GARRE1: variants seen among roughly 807,000 people sequenced by gnomAD.
GARRE1 encodes granule associated Rac and RHOG effector 1.
GARRE1 carries 49 observed loss-of-function variants against 103.2 expected under a neutral mutation model. The ratio of observed to expected loss-of-function variants is 0.47; its 90% confidence interval spans 0.38 to 0.60. The LOEUF is 0.60. Ranked by LOEUF, GARRE1 falls within the 20% of genes least tolerant of loss-of-function variation. The pLI, the probability that GARRE1 is intolerant of heterozygous loss-of-function variation, is 0.00. For synonymous variants in GARRE1, 505 were observed against 532.8 expected, an observed-to-expected ratio of 0.95 and a Z score of 0.72; for missense variants, 1,199 against 1,370.5, an observed-to-expected ratio of 0.87 and a Z score of 1.98.
At chr19:34,332,251 A>G (rs186843422) in intron 7 of GARRE1, among the ~76,000 whole-genome samples, 1 of 152,188 alleles carries the variant, frequency 6.6e-6, no homozygotes, top group African/African-American at 2.4e-5. Context: ...TTTCCTCAGT[A>G]TAGGGACCTC....
At chr19:34,305,865 G>C (rs2074005273) in intron 2 of GARRE1, among the ~76,000 whole-genome samples, 1 of 152,138 alleles carries the variant, frequency 6.6e-6, no homozygotes, top group African/African-American at 2.4e-5. Context: ...GTACATAATG[G>C]GCTGAACAGG....
At chr19:34,330,748 T>TGTG (rs1350990160) in intron 7 of GARRE1, among the ~76,000 whole-genome samples, 6 of 128,366 alleles carry the variant, frequency 4.7e-5, no homozygotes, top group Non-Finnish European at 8.0e-5. Flanking sequence ...TTTTTTTTTT[T>TGTG]TGTGTGTGTG....
Position 34,352,867 on chromosome 19 carries a change from C to G in GARRE1, c.3125C>G (p.Pro1042Arg). The G allele has an allele frequency of 1.3e-6, 2 of 1,588,120 alleles. No homozygotes were observed. The highest frequency in any genetic ancestry group is 1.7e-6 in the Non-Finnish European group (2 of 1,165,938). Residue 1042 changes from proline (P) to arginine (R), a missense_variant, in exon 14 of 14, where the codon CCC (proline) becomes CGC (arginine). Pro to Arg is a moderately radical substitution (Grantham distance 103). Coordinates refer to ENST00000299505, the MANE Select transcript of GARRE1 (RefSeq NM_014686.5). ...SYVQTPPQPPPPPAHKAAPKG... is the reference protein window; with the variant it reads ...SYVQTPPQPPRPPAHKAAPKG... ...GTGCAGACCCCACCCCAGCCCCCAC[C>G]CCCACCAGCACACAAGGCAGCACCC...
intron 8 of GARRE1, among the ~76,000 whole-genome samples, chr19:34,336,004 T>G (rs78721891): frequency 2.0e-5 from 3 of 152,166 alleles, no homozygotes; most frequent in Admixed American, 1.3e-4. Flanking sequence ...ATTTTTTTTT[T>G]GGTAGAGACA....
intron 1 of GARRE1, among the ~76,000 whole-genome samples, chr19:34,286,012 T>G (rs1483893914): frequency 1.3e-5 from 2 of 152,204 alleles, no homozygotes; most frequent in Non-Finnish European, 2.9e-5. Flanking sequence ...TTCATTGATC[T>G]GTGTAACCAG....
At position 34,300,814 on chromosome 19, in the gene GARRE1, C is replaced by CTG; in HGVS notation, c.341_342insTG (p.Thr115AlafsTer18). The CTG allele has an allele frequency of 6.2e-7, 1 of 1,614,204 alleles. No homozygotes were observed. Among genetic ancestry groups the CTG allele is most frequent in the Non-Finnish European group, 8.5e-7 (1 of 1,180,042 alleles). Reference sequence around the variant, plus strand: ...AGGAACTCTCACTACTCAAAGGCAGCCACACAGCTCAAAGATGTGCAGGAG... The same window carrying CTG: ...AGGAACTCTCACTACTCAAAGGCAGCTGCACACAGCTCAAAGATGTGCAGGAG... On this transcript the variant is annotated frameshift_variant, in exon 2 of 14. Transcript: ENST00000299505. LOFTEE classifies it high-confidence loss of function.
At chr19:34,321,151 G>C (rs1273141560) in intron 3 of GARRE1, among the ~76,000 whole-genome samples, 1 of 140,152 alleles carries the variant, frequency 7.1e-6, no homozygotes, top group Non-Finnish European at 1.5e-5. Context: ...CTGCCTCCCA[G>C]GTTCACGCCA....
intron 1 of GARRE1, among the ~76,000 whole-genome samples, chr19:34,279,121 G>A (rs1260466050): frequency 1.3e-5 from 2 of 152,122 alleles, no homozygotes; most frequent in Admixed American, 6.5e-5. Flanking sequence ...ACCTGCTCAC[G>A]TCCTTGCTTT....
intron 10 of GARRE1, among the ~76,000 whole-genome samples, chr19:34,344,145 G>T (rs551137023): frequency 6.6e-6 from 1 of 152,266 alleles, no homozygotes; most frequent in East Asian, 1.9e-4. Flanking sequence ...ATTAGTAAGA[G>T]AATTTGGTAA....
At chr19:34,297,765 AAG>A (rs759039985) in intron 1 of GARRE1, among the ~76,000 whole-genome samples, 1 of 152,228 alleles carries the variant, frequency 6.6e-6, no homozygotes, top group African/African-American at 2.4e-5. Context: ...AATTTGAAAA[AAG>A]AAAACATTTT....
intron 1 of GARRE1, among the ~76,000 whole-genome samples, chr19:34,268,549 T>TA (rs1419427766): frequency 6.6e-6 from 1 of 152,202 alleles, no homozygotes; most frequent in Non-Finnish European, 1.5e-5. Context: ...ACAACAGTCT[T>TA]AGAGTACAGT....
At chr19:34,311,619 C>A (rs929119877) in intron 2 of GARRE1, among the ~76,000 whole-genome samples, 2 of 151,420 alleles carry the variant, frequency 1.3e-5, no homozygotes, top group South Asian at 2.1e-4. Context: ...TTTTTCTTTT[C>A]CCCCCTCTGA....
chr19:34,278,800 T>C (rs1025465224), intron 1 of GARRE1, among the ~76,000 whole-genome samples: 3 of 152,066 alleles, frequency 2.0e-5, no homozygotes, highest in Non-Finnish European at 4.4e-5. Flanking sequence ...GCCTCCCAAG[T>C]AGCTGGAACT....
chr19:34,326,305 C>T (rs2074111569), intron 3 of GARRE1, among the ~76,000 whole-genome samples: 1 of 152,212 alleles, frequency 6.6e-6, no homozygotes, highest in African/African-American at 2.4e-5. Context: ...AACTCCTACA[C>T]TGGCCCAGCA....
chr19:34,261,004 G>T (rs927445381), intron 1 of GARRE1, among the ~76,000 whole-genome samples: 1 of 152,226 alleles, frequency 6.6e-6, no homozygotes, highest in Non-Finnish European at 1.5e-5. Context: ...GACCAGAGGA[G>T]CAGTGCAGCG....
intron 11 of GARRE1, 119 bp downstream of exon 11, chr19:34,348,161 C>A (rs1330764518): frequency 2.3e-6 from 2 of 875,760 alleles, no homozygotes; most frequent in Non-Finnish European, 3.1e-6. Flanking sequence ...ATTCCAAGCC[C>A]CCATGTGAGA....
intron 3 of GARRE1, among the ~76,000 whole-genome samples, chr19:34,322,132 C>CTTAAAAAAAAGGCAA (rs1316584664): frequency 6.6e-6 from 1 of 152,198 alleles, no homozygotes; most frequent in Non-Finnish European, 1.5e-5. Context: ...TCAAAAACAG[C>CTTAAAAAAAAGGCAA]TCTGAAAAAG....
In GARRE1 at chr19:34,342,130, A is replaced by C. The variant is rs1451492085; in HGVS notation, c.2196A>C (p.Gln732His). Residue 732 changes from glutamine to histidine, a missense_variant, in exon 10 of 14, where the codon CAA (glutamine) becomes CAC (histidine). Transcript: ENST00000299505. ...QSPKQQQPQV[Q>H]YYQHLLQPIG... ...CAAAGCAGCAACAACCTCAAGTCCA[A>C]TACTACCAACACCTACTCCAGCCCA... 6.2e-7 allele frequency: 1 copy of C among 1,614,090 alleles called. No homozygotes were observed.
intron 2 of GARRE1, among the ~76,000 whole-genome samples, chr19:34,315,638 G>A (rs34003722): frequency 0.12 from 18,458 of 148,154 alleles, 1,401 homozygotes; most frequent in African/African-American, 0.21. Flanking sequence ...ATGAACCCGC[G>A]AGGCAAAGCT....
Sources: gnomAD v4.1 joint callset for allele counts (sites outside exome capture counted in the v4.1 genomes callset) on GRCh38, gnomAD v4.1.1 for gene constraint, MANE v1.5 for transcripts, NCBI Gene and HGNC (gene_info 2026-07-23, HGNC 2026-07-21) for gene names.